The following RGL1 variants were observed in gnomAD, a reference collection of about 807,000 sequenced individuals.
The protein encoded by RGL1 is ral guanine nucleotide dissociation stimulator like 1, also known as ral guanine nucleotide dissociation stimulator-like 1.
Under a neutral mutation model 95.2 loss-of-function variants are expected in RGL1, and 24 were observed. The ratio of observed to expected loss-of-function variants is 0.25; its 90% CI spans 0.18 to 0.35. The LOEUF (loss-of-function observed/expected upper bound fraction) is 0.35. RGL1 is among the 10% of genes least tolerant of loss of function. The pLI is 1.00. For missense variants in RGL1, 715 were observed against 936.3 expected, an observed-to-expected ratio of 0.76 and a Z score of 3.08; for synonymous variants, 329 against 344.9, an observed-to-expected ratio of 0.95 and a Z score of 0.51.
chr1:183,728,093 C>T (rs1656414535), intron 1 of RGL1, among the ~76,000 whole-genome samples: 1 of 152,090 alleles, frequency 6.6e-6, no homozygotes, highest in Admixed American at 6.6e-5. Flanking sequence ...GGAGAATTTC[C>T]TCTCTCTGTT....
intron 1 of RGL1, chr1:183,647,198 C>G (rs1052942791): frequency 1.3e-5 from 2 of 152,950 alleles, no homozygotes; most frequent in African/African-American, 4.8e-5. Flanking sequence ...AAATGAGCTG[C>G]CTAAAATCTT....
chr1:183,799,757 G>T (rs979835764), intron 2 of RGL1, among the ~76,000 whole-genome samples: 3 of 152,084 alleles, frequency 2.0e-5, no homozygotes, highest in Non-Finnish European at 4.4e-5. Flanking sequence ...TACTTATTTC[G>T]AAGTACAGTG....
intron 2 of RGL1, among the ~76,000 whole-genome samples, chr1:183,761,145 A>C (rs1292209029): frequency 6.6e-6 from 1 of 152,240 alleles, no homozygotes; most frequent in Non-Finnish European, 1.5e-5. Context: ...ATGAATTATG[A>C]ATGTTCTTAA....
At chr1:183,691,750 C>G (rs1008896911) in intron 1 of RGL1, among the ~76,000 whole-genome samples, 3 of 152,106 alleles carry the variant, frequency 2.0e-5, no homozygotes, top group Middle Eastern at 3.4e-3. Flanking sequence ...ATTGGAGGAC[C>G]TGAGAAATTT....
At chr1:183,786,035 A>G (rs1431453722) in intron 2 of RGL1, among the ~76,000 whole-genome samples, 2 of 152,026 alleles carry the variant, frequency 1.3e-5, no homozygotes, top group Non-Finnish European at 2.9e-5. Context: ...CTGTGATTGC[A>G]CTACTCTACT....
intron 2 of RGL1, among the ~76,000 whole-genome samples, chr1:183,784,430 C>A (rs1660052376): frequency 6.6e-6 from 1 of 152,196 alleles, no homozygotes; most frequent in South Asian, 2.1e-4. Flanking sequence ...TGGGAGGAAA[C>A]AGCAGAATGG....
chr1:183,679,671 A>G (rs917950432), intron 1 of RGL1, among the ~76,000 whole-genome samples: 4 of 152,158 alleles, frequency 2.6e-5, no homozygotes, highest in Non-Finnish European at 5.9e-5. Context: ...TGCTGCAATA[A>G]ACATATGTGT....
At chr1:183,732,439 G>A (rs573980567) in intron 1 of RGL1, among the ~76,000 whole-genome samples, 2 of 152,170 alleles carry the variant, frequency 1.3e-5, no homozygotes, top group East Asian at 1.9e-4. Flanking sequence ...AACTAAAGCC[G>A]ACACCCAACC....
intron 9 of RGL1, among the ~76,000 whole-genome samples, chr1:183,895,872 G>A (rs759233704): frequency 3.0e-4 from 45 of 152,160 alleles, no homozygotes; most frequent in Non-Finnish European, 4.9e-4. Flanking sequence ...GAATCAACAA[G>A]TCTTGTAGCT....
chr1:183,843,096 A>G (rs1444239161), intron 2 of RGL1, among the ~76,000 whole-genome samples: 1 of 152,234 alleles, frequency 6.6e-6, no homozygotes, highest in African/African-American at 2.4e-5. Flanking sequence ...TGCCATAATA[A>G]GCAGGTATTA....
At chr1:183,729,261 A>C (rs893248690) in intron 1 of RGL1, among the ~76,000 whole-genome samples, 1 of 152,064 alleles carries the variant, frequency 6.6e-6, no homozygotes, top group Non-Finnish European at 1.5e-5. Flanking sequence ...GAAGTCTTTC[A>C]ACTCACTGAT....
At chr1:183,765,708 A>T (rs1448896927) in intron 2 of RGL1, among the ~76,000 whole-genome samples, 2 of 152,142 alleles carry the variant, frequency 1.3e-5, no homozygotes, top group Non-Finnish European at 2.9e-5. Flanking sequence ...CCTTTTCATG[A>T]ACTCTCCCAA....
intron 4 of RGL1, among the ~76,000 whole-genome samples, chr1:183,870,225 C>G (rs1197913967): frequency 6.6e-6 from 1 of 152,158 alleles, no homozygotes; most frequent in Non-Finnish European, 1.5e-5. Context: ...GTGTCCCAGT[C>G]TGACGTGACT....
At chr1:183,774,497 C>T (rs1659481653) in intron 2 of RGL1, among the ~76,000 whole-genome samples, 1 of 151,648 alleles carries the variant, frequency 6.6e-6, no homozygotes, top group African/African-American at 2.4e-5. Flanking sequence ...GTCCCATAGA[C>T]AGTTCTTATG....
chr1:183,669,384 T>C (rs1459761102), intron 1 of RGL1, among the ~76,000 whole-genome samples: 2 of 152,264 alleles, frequency 1.3e-5, no homozygotes, highest in Admixed American at 6.5e-5. Flanking sequence ...TCTGTTTACA[T>C]TATATACCTG....
In RGL1 at chr1:183,767,228, C is replaced by CA. The variant is rs11300092; in HGVS notation, c.132+24957dup. Among the ~76,000 whole-genome samples the CA allele has an allele frequency of 6.9e-3, 702 of 102,220 alleles. 5 individuals carry two copies. The highest frequency in any genetic ancestry group is 8.3e-3 in the Non-Finnish European group (410 of 49,406). 67.1% of individuals were successfully genotyped at this position (102,220 alleles called of 152,430 possible). A position where few individuals can be genotyped will look rare whatever the true frequency, so the allele number is the denominator to read the frequency against. ...TGGGCAGCAGAGCAAGACCCTGTCT[C>CA]AAAAAAAAAAAAAAAAAAGAAACTA... On this transcript the variant is annotated intron_variant, in intron 2 of 18. Transcript: ENST00000304685.
intron 14 of RGL1, among the ~76,000 whole-genome samples, chr1:183,909,055 T>C (rs1668498455): frequency 6.6e-6 from 1 of 152,194 alleles, no homozygotes; most frequent in African/African-American, 2.4e-5. Context: ...TCACAAAGTG[T>C]GGTAGGTACT....
chr1:183,708,947 A>C (rs1254323979), intron 1 of RGL1, among the ~76,000 whole-genome samples: 1 of 152,184 alleles, frequency 6.6e-6, no homozygotes, highest in Non-Finnish European at 1.5e-5. Flanking sequence ...AGAGCGCGCC[A>C]ATGAACACCA....
intron 1 of RGL1, among the ~76,000 whole-genome samples, chr1:183,688,456 A>AAGAG (rs57516940): frequency 0.025 from 3,757 of 150,058 alleles, 69 homozygotes; most frequent in South Asian, 0.049. Flanking sequence ...GGATCTACTG[A>AAGAG]AGAGAGAGAG....
Sources: allele counts gnomAD v4.1 joint callset (sites outside exome capture counted in the v4.1 genomes callset), GRCh38; gene constraint gnomAD v4.1.1; transcripts MANE v1.5; gene names NCBI Gene and HGNC (gene_info 2026-07-23, HGNC 2026-07-21).